The following CREB5 variants were observed in gnomAD, a reference collection of about 807,000 sequenced individuals.
CREB5 encodes the protein cAMP responsive element binding protein 5.
CREB5 carries 19 observed loss-of-function variants against 57.1 expected under a neutral mutation model. The ratio of observed to expected loss-of-function variants is 0.33; its 90% CI spans 0.23 to 0.49. The LOEUF (loss-of-function observed/expected upper bound fraction) is 0.49, where lower values mean the gene tolerates loss of function less well. Among genes scored for constraint, CREB5 ranks in the 20% least tolerant of loss-of-function variants. CREB5 has a pLI of 0.99. For synonymous variants in CREB5, 238 were observed against 238.3 expected (o/e 1.00, Z 0.01); for missense variants, 579 against 671.6 (o/e 0.86, Z 1.52).
chr7:28,410,164 C>G (rs1051484030), upstream of CREB5: 21 of 414,302 alleles, frequency 5.1e-5, no homozygotes, highest in Non-Finnish European at 9.5e-5. Flanking sequence ...GGCGCGCGCC[C>G]GGGGAGGGGA....
At chr7:28,604,113 GA>G (rs909950140) in intron 5 of CREB5, among the ~76,000 whole-genome samples, 1 of 151,946 alleles carries the variant, frequency 6.6e-6, no homozygotes, top group Non-Finnish European at 1.5e-5. Context: ...CAAATAAAGG[GA>G]AAAAAAGAAA....
intron 5 of CREB5, among the ~76,000 whole-genome samples, chr7:28,610,885 G>GTACA (rs998162885): frequency 8.6e-5 from 13 of 151,326 alleles, no homozygotes; most frequent in African/African-American, 3.2e-4. Flanking sequence ...TTGCGTGTGT[G>GTACA]TGCGTGTGTG....
At chr7:28,686,027 GGC>G in intron 5 of CREB5, 1 of 1,064,602 alleles carries the variant, frequency 9.4e-7, no homozygotes, top group Non-Finnish European at 1.4e-6. Flanking sequence ...GCCAGAGCTA[GGC>G]GCAAAAGAAG....
chr7:28,480,384 C>G (rs1198007040), intron 1 of CREB5, among the ~76,000 whole-genome samples: 1 of 152,170 alleles, frequency 6.6e-6, no homozygotes. Flanking sequence ...ATAGTCTTTT[C>G]TCTCAGGAGT....
At chr7:28,305,718 C>CTT (rs112359198) in intron 1 of CREB5, among the ~76,000 whole-genome samples, 5 of 137,774 alleles carry the variant, frequency 3.6e-5, no homozygotes, top group East Asian at 2.2e-4. Context: ...TTTTTCTTTT[C>CTT]TTTTTTTTTT....
chr7:28,414,961 C>T (rs979915), intron 1 of CREB5, among the ~76,000 whole-genome samples: 32,118 of 151,994 alleles, frequency 0.21, 4,351 homozygotes, highest in South Asian at 0.31. Context: ...ATTGACATTT[C>T]AATATTTCTT....
chr7:28,433,309 G>T (rs75454983), intron 1 of CREB5, among the ~76,000 whole-genome samples: 1 of 152,006 alleles, frequency 6.6e-6, no homozygotes, highest in Admixed American at 6.5e-5. Context: ...AAGAGTATTG[G>T]GTATTGTAGT....
chr7:28,454,524 C>T (rs1790004659), intron 1 of CREB5, among the ~76,000 whole-genome samples: 1 of 152,182 alleles, frequency 6.6e-6, no homozygotes, highest in African/African-American at 2.4e-5. Flanking sequence ...TCCATGTTCG[C>T]CAGATTGCTT....
chr7:28,337,827 A>G (rs1785856196), intron 1 of CREB5, among the ~76,000 whole-genome samples: 1 of 151,888 alleles, frequency 6.6e-6, no homozygotes, highest in South Asian at 2.1e-4. Context: ...TTCACTGGTG[A>G]TATGTTTCCA....
At chr7:28,594,021 T>C (rs216754) in intron 5 of CREB5, among the ~76,000 whole-genome samples, 79,114 of 152,092 alleles carry the variant, frequency 0.52, 21,398 homozygotes, top group African/African-American at 0.65. Flanking sequence ...AGCGGGAAGC[T>C]GCCTTGTCAA....
At chr7:28,385,403 G>A (rs887525350) in intron 1 of CREB5, among the ~76,000 whole-genome samples, 5 of 152,126 alleles carry the variant, frequency 3.3e-5, no homozygotes, top group African/African-American at 1.2e-4. Context: ...GAGGCCAGGC[G>A]TGGTGGCTCA....
At chr7:28,609,324 T>G (rs1199649757) in intron 5 of CREB5, among the ~76,000 whole-genome samples, 3 of 152,150 alleles carry the variant, frequency 2.0e-5, no homozygotes, top group African/African-American at 7.2e-5. Flanking sequence ...CTGCCTAAGT[T>G]CTTTGTCTTG....
intron 1 of CREB5, among the ~76,000 whole-genome samples, chr7:28,393,147 G>A (rs958545143): frequency 1.3e-5 from 2 of 152,096 alleles, no homozygotes; most frequent in African/African-American, 4.8e-5. Flanking sequence ...GGCTGGTCTT[G>A]AACTCCTCAC....
intron 7 of CREB5, chr7:28,779,323 T>C (rs1236466117): frequency 5.9e-5 from 9 of 152,172 alleles, no homozygotes; most frequent in African/African-American, 2.2e-4. Flanking sequence ...AAGTTCACAG[T>C]TTAAAATTTA....
intron 4 of CREB5, among the ~76,000 whole-genome samples, chr7:28,526,533 C>A (rs148495769): frequency 6.6e-6 from 1 of 152,218 alleles, no homozygotes; most frequent in Non-Finnish European, 1.5e-5. Context: ...CCTGGAAAGA[C>A]GTGCTTCTTG....
At chr7:28,382,819 G>A (rs1034937307) in intron 1 of CREB5, among the ~76,000 whole-genome samples, 6 of 151,784 alleles carry the variant, frequency 4.0e-5, no homozygotes, top group Admixed American at 1.3e-4. Flanking sequence ...GAGGAGATAC[G>A]AGATCAAGAG....
intron 1 of CREB5, among the ~76,000 whole-genome samples, chr7:28,366,816 T>C (rs1197072851): frequency 6.6e-6 from 1 of 152,202 alleles, no homozygotes. Context: ...GTATTTCTAA[T>C]GGTTTTCTTT....
chr7:28,789,742 G>T (rs1807552784), intron 7 of CREB5, among the ~76,000 whole-genome samples: 1 of 152,052 alleles, frequency 6.6e-6, no homozygotes, highest in South Asian at 2.1e-4. Flanking sequence ...GATTCATACA[G>T]CAATGAGTAT....
chr7:28,705,815 AC>A (rs746371283), intron 5 of CREB5, among the ~76,000 whole-genome samples: 10 of 152,098 alleles, frequency 6.6e-5, no homozygotes, highest in African/African-American at 9.7e-5. Flanking sequence ...CTTTATATAA[AC>A]CCCTTGTGGC....
Sources: gnomAD v4.1 joint callset for allele counts (sites outside exome capture counted in the v4.1 genomes callset) on GRCh38, gnomAD v4.1.1 for gene constraint, MANE v1.5 for transcripts, NCBI Gene and HGNC (gene_info 2026-07-23, HGNC 2026-07-21) for gene names.